Variants in PTPRD observed in about 807,000 individuals in gnomAD.
PTPRD encodes the protein protein tyrosine phosphatase receptor type D, also known as receptor-type tyrosine-protein phosphatase delta.
PTPRD carries 34 observed loss-of-function variants against 214.5 expected under a neutral mutation model. The ratio of observed to expected loss-of-function variants is 0.16; its 90% CI spans 0.12 to 0.21. PTPRD has a LOEUF of 0.21. Among genes scored for constraint, PTPRD ranks in the 10% least tolerant of loss-of-function variants. The probability of loss-of-function intolerance (pLI) is 1.00; values close to 1 mark genes in which losing one functional copy is unlikely to be tolerated. For synonymous variants in PTPRD, 1,128 were observed against 845.7 expected (o/e 1.33, Z -5.79); for missense variants, 2,545 against 2,398.7 (o/e 1.06, Z -1.27).
intron 4 of PTPRD, among the ~76,000 whole-genome samples, chr9:10,000,624 G>A (rs2096283701): frequency 6.6e-6 from 1 of 152,160 alleles, no homozygotes; most frequent in Admixed American, 6.5e-5. Flanking sequence ...GATATAGAGG[G>A]TAAAAGTTCT....
At chr9:8,608,433 G>A (rs2095320125) in intron 14 of PTPRD, among the ~76,000 whole-genome samples, 1 of 152,258 alleles carries the variant, frequency 6.6e-6, no homozygotes, top group Non-Finnish European at 1.5e-5. Flanking sequence ...ACTTAGCAAA[G>A]CATCACTGTG....
intron 11 of PTPRD, among the ~76,000 whole-genome samples, chr9:8,784,711 T>G (rs2095867011): frequency 6.6e-6 from 1 of 152,182 alleles, no homozygotes; most frequent in Non-Finnish European, 1.5e-5. Context: ...AATAAAGATA[T>G]GCCAGGACAA....
chr9:9,218,165 G>C (rs770079161), intron 9 of PTPRD, among the ~76,000 whole-genome samples: 4 of 152,082 alleles, frequency 2.6e-5, no homozygotes, highest in Non-Finnish European at 4.4e-5. Context: ...TGCTTCTTTC[G>C]TTTTCTAACC....
At chr9:9,656,198 G>A (rs1216135580) in intron 7 of PTPRD, among the ~76,000 whole-genome samples, 1 of 152,134 alleles carries the variant, frequency 6.6e-6, no homozygotes, top group Admixed American at 6.5e-5. Flanking sequence ...CAGCCATTTT[G>A]GAAGATAGTT....
At chr9:8,321,505 ATATATATATATATATATATAT>A (rs1827911779) in intron 44 of PTPRD, among the ~76,000 whole-genome samples, 1 of 97,076 alleles carries the variant, frequency 1.0e-5, no homozygotes, top group Non-Finnish European at 2.1e-5. Flanking sequence ...ATATATATAT[ATATATATATATATATATATAT>A]AAAAGGTATA....
rs911773424 is a variant in PTPRD, at chr9:9,008,037, T to A, written c.-104+10660A>T. Among the ~76,000 whole-genome samples the A allele has an allele frequency of 1.9e-4, 11 of 59,354 alleles. 3 individuals carry two copies. The highest frequency in any genetic ancestry group is 4.9e-4 in the African/African-American group (11 of 22,640). The allele number at this position is 59,354 out of a possible 152,430, so 38.9% of individuals were successfully genotyped here. A position where few individuals can be genotyped will look rare whatever the true frequency, so the allele number is the denominator to read the frequency against. ...CGCTGTACCCATTAACTCAGAAATTTAAAAAAATCTGCTTTAGAAAAACAG... is the reference window on the plus strand; with the variant it reads ...CGCTGTACCCATTAACTCAGAAATTAAAAAAAATCTGCTTTAGAAAAACAG... On this transcript the variant is annotated intron_variant, in intron 11 of 45. Transcript: ENST00000381196.
chr9:9,934,071 T>A (rs1163959367), intron 5 of PTPRD, among the ~76,000 whole-genome samples: 1 of 149,060 alleles, frequency 6.7e-6, no homozygotes, highest in Admixed American at 6.6e-5. Context: ...TGGGACACAT[T>A]CAAAGCAGTG....
At chr9:9,316,316 C>A (rs924682794) in intron 9 of PTPRD, among the ~76,000 whole-genome samples, 1 of 151,938 alleles carries the variant, frequency 6.6e-6, no homozygotes, top group Non-Finnish European at 1.5e-5. Flanking sequence ...CAAACAGTTT[C>A]CTAAATATGA....
chr9:9,195,508 T>C (rs955437538), intron 9 of PTPRD, among the ~76,000 whole-genome samples: 1 of 152,084 alleles, frequency 6.6e-6, no homozygotes, highest in Non-Finnish European at 1.5e-5. Context: ...GCTGGTCTGT[T>C]TCAGTATGTT....
At position 9,187,110 on chromosome 9, in the gene PTPRD, A is replaced by G. The variant is rs546193256; in HGVS notation, c.-202-3747T>C. ...TTCACTCTAAATTAGAAAAAAGTTT[A>G]CTTCCTATCAATTTTATTTCTGCTG... is the stretch of plus-strand genomic sequence containing the variant. On this transcript the variant is annotated intron_variant, in intron 9 of 45. Transcript: ENST00000381196. 2.5e-4 allele frequency among the ~76,000 whole-genome samples: 38 copies of G among 151,946 alleles called. 1 individual carries two copies. The highest frequency in any genetic ancestry group is 1.7e-3 in the South Asian group (8 of 4,800).
intron 3 of PTPRD, among the ~76,000 whole-genome samples, chr9:10,237,370 T>C (rs2099632517): frequency 6.6e-6 from 1 of 151,936 alleles, no homozygotes; most frequent in Admixed American, 6.6e-5. Context: ...TTATTCTTCA[T>C]GATAAGTGTG....
At chr9:10,343,554 A>G (rs1345336282) in intron 2 of PTPRD, among the ~76,000 whole-genome samples, 1 of 152,036 alleles carries the variant, frequency 6.6e-6, no homozygotes, top group Non-Finnish European at 1.5e-5. Context: ...AATCGCCACA[A>G]TGTCTTCCAC....
chr9:10,200,788 A>G (rs2099416715), intron 3 of PTPRD, among the ~76,000 whole-genome samples: 1 of 152,132 alleles, frequency 6.6e-6, no homozygotes, highest in South Asian at 2.1e-4. Flanking sequence ...GTAGAATTTT[A>G]CCTGAGGAAA....
At chr9:9,196,958 A>G (rs1423439291) in intron 9 of PTPRD, among the ~76,000 whole-genome samples, 1 of 152,206 alleles carries the variant, frequency 6.6e-6, no homozygotes, top group Non-Finnish European at 1.5e-5. Flanking sequence ...TTTGACCATG[A>G]TAGATCTAGA....
chr9:10,280,186 C>T (rs1361737460), intron 3 of PTPRD, among the ~76,000 whole-genome samples: 1 of 151,902 alleles, frequency 6.6e-6, no homozygotes, highest in Non-Finnish European at 1.5e-5. Flanking sequence ...ACCATTGTCT[C>T]CAGTAGAAGT....
chr9:10,431,607 C>T (rs1370019389), intron 2 of PTPRD, among the ~76,000 whole-genome samples: 13 of 151,832 alleles, frequency 8.6e-5, no homozygotes, highest in African/African-American at 2.9e-4. Flanking sequence ...CAAACAACCC[C>T]ATCAAAAAGT....
intron 14 of PTPRD, among the ~76,000 whole-genome samples, chr9:8,581,197 A>T (rs979292335): frequency 3.3e-5 from 5 of 151,314 alleles, no homozygotes; most frequent in Non-Finnish European, 7.4e-5. Context: ...ATATATTATA[A>T]AAAAAAAATC....
chr9:9,997,866 C>G (rs982162660), intron 4 of PTPRD, among the ~76,000 whole-genome samples: 1 of 151,754 alleles, frequency 6.6e-6, no homozygotes, highest in African/African-American at 2.4e-5. Context: ...CCAGATAGCT[C>G]CACATGTGCA....
intron 8 of PTPRD, among the ~76,000 whole-genome samples, chr9:9,542,715 C>G (rs760516374): frequency 9.2e-5 from 14 of 151,624 alleles, no homozygotes; most frequent in Non-Finnish European, 1.6e-4. Flanking sequence ...AAACGGTACT[C>G]AACATCATTA....
Sources: allele counts gnomAD v4.1 joint callset (sites outside exome capture counted in the v4.1 genomes callset), GRCh38; gene constraint gnomAD v4.1.1; transcripts MANE v1.5; gene names NCBI Gene and HGNC (gene_info 2026-07-23, HGNC 2026-07-21).